The following ANO2 variants were observed in gnomAD, a reference collection of about 807,000 sequenced individuals.
ANO2 encodes the protein anoctamin-2.
ANO2 carries 101 observed loss-of-function variants against 124.2 expected under a neutral mutation model. That is an observed-to-expected ratio of 0.81 (90% confidence interval 0.69 to 0.96). The LOEUF (loss-of-function observed/expected upper bound fraction) is 0.96. ANO2 is among the 40% of genes least tolerant of loss of function. The pLI is 0.00. For missense variants in ANO2, 1,293 were observed against 1,274.5 expected (o/e 1.01, Z -0.22); for synonymous variants, 486 against 482.5 (o/e 1.01, Z -0.09).
intron 3 of ANO2, among the ~76,000 whole-genome samples, chr12:5,919,820 C>T (rs1941592866): frequency 6.6e-6 from 1 of 152,106 alleles, no homozygotes; most frequent in African/African-American, 2.4e-5. Flanking sequence ...GCCTCAGCCT[C>T]CCGAGTAGCT....
At chr12:5,586,366 G>T (rs996751560) in intron 20 of ANO2, among the ~76,000 whole-genome samples, 1 of 152,198 alleles carries the variant, frequency 6.6e-6, no homozygotes, top group Non-Finnish European at 1.5e-5. Context: ...GGAGAAGATG[G>T]CAGGAGCCTC....
chr12:5,663,926 T>C (rs762496069), intron 14 of ANO2, among the ~76,000 whole-genome samples: 6 of 152,202 alleles, frequency 3.9e-5, no homozygotes, highest in Admixed American at 1.3e-4. Context: ...GCTATGACCT[T>C]TGTGGTCCAG....
chr12:5,878,501 G>T (rs1938262749), intron 3 of ANO2, among the ~76,000 whole-genome samples: 1 of 152,202 alleles, frequency 6.6e-6, no homozygotes, highest in South Asian at 2.1e-4. Flanking sequence ...TAAATTCATT[G>T]ATTCACTAAT....
intron 4 of ANO2, among the ~76,000 whole-genome samples, chr12:5,842,591 T>C (rs937910307): frequency 6.6e-6 from 1 of 152,222 alleles, no homozygotes; most frequent in Non-Finnish European, 1.5e-5. Flanking sequence ...CTGGTGTGCA[T>C]GACTCACTCT....
At chr12:5,744,580 G>A (rs1473073866) in intron 11 of ANO2, among the ~76,000 whole-genome samples, 1 of 152,164 alleles carries the variant, frequency 6.6e-6, no homozygotes, top group Non-Finnish European at 1.5e-5. Flanking sequence ...ATCTGTCAGA[G>A]ACATTGAGCA....
At chr12:5,751,427 C>G (rs1951435927) in intron 10 of ANO2, among the ~76,000 whole-genome samples, 1 of 152,122 alleles carries the variant, frequency 6.6e-6, no homozygotes, top group African/African-American at 2.4e-5. Context: ...GGTATGCAAA[C>G]CAACATACAC....
chr12:5,708,273 T>A (rs192105162), intron 14 of ANO2, among the ~76,000 whole-genome samples: 5 of 152,354 alleles, frequency 3.3e-5, no homozygotes, highest in Non-Finnish European at 7.3e-5. Context: ...TATGGTGTTA[T>A]ATCCCCCAAC....
intron 10 of ANO2, among the ~76,000 whole-genome samples, chr12:5,765,466 G>C (rs1951864074): frequency 6.6e-6 from 1 of 152,160 alleles, no homozygotes; most frequent in Non-Finnish European, 1.5e-5. Flanking sequence ...ACTGGATATT[G>C]TCTATGAGAT....
intron 22 of ANO2, among the ~76,000 whole-genome samples, chr12:5,577,028 C>G (rs1006594362): frequency 6.6e-6 from 1 of 152,226 alleles, no homozygotes; most frequent in Non-Finnish European, 1.5e-5. Context: ...TAAGACTGCA[C>G]GTCATTTCGT....
At chr12:5,607,035 C>A in intron 19 of ANO2, among the ~76,000 whole-genome samples, 1 of 151,234 alleles carries the variant, frequency 6.6e-6, no homozygotes, top group Non-Finnish European at 1.5e-5. Flanking sequence ...CACAATCACC[C>A]ATCTAACCCC....
chr12:5,627,343 G>C (rs1945469096), intron 16 of ANO2, among the ~76,000 whole-genome samples: 1 of 152,134 alleles, frequency 6.6e-6, no homozygotes, highest in Admixed American at 6.5e-5. Flanking sequence ...CCAGGATCCT[G>C]GTGCAAAGCA....
At chr12:5,813,344 T>C (rs1953496252) in intron 7 of ANO2, among the ~76,000 whole-genome samples, 1 of 152,184 alleles carries the variant, frequency 6.6e-6, no homozygotes, top group South Asian at 2.1e-4. Flanking sequence ...CAGTGCACCC[T>C]ATCTTTATTT....
intron 3 of ANO2, among the ~76,000 whole-genome samples, chr12:5,854,862 CT>C (rs1279776943): frequency 6.6e-6 from 1 of 151,546 alleles, no homozygotes; most frequent in Non-Finnish European, 1.5e-5. Context: ...TCATCTGGCC[CT>C]TGTCACTATG....
intron 10 of ANO2, among the ~76,000 whole-genome samples, chr12:5,771,639 G>T (rs769892748): frequency 5.9e-5 from 9 of 152,114 alleles, no homozygotes; most frequent in Non-Finnish European, 1.3e-4. Flanking sequence ...AATTAGCTGG[G>T]CATGGTGGTG....
rs988214779 is a variant in ANO2 at position 5,594,436 on chromosome 12, T to G, written c.2233+5048A>C. 2.0e-5 allele frequency among the ~76,000 whole-genome samples: 3 copies of G among 152,204 alleles called. No homozygotes were observed. The East Asian group carries it at 5.8e-4, about 29-fold the overall frequency. On this transcript the variant is annotated intron_variant, in intron 20 of 24. Coordinates refer to ENST00000682330, the MANE Select transcript of ANO2 (RefSeq NM_001364791.2). The stretch of plus-strand genomic sequence containing the variant: ...AAGATTTTACAACTACTTCATATGG[T>G]CTGATGTGAAATGCAAACCTGTCTG...
intron 14 of ANO2, among the ~76,000 whole-genome samples, chr12:5,687,363 C>A (rs74056642): frequency 0.014 from 2,093 of 152,342 alleles, 47 homozygotes; most frequent in African/African-American, 0.046. Flanking sequence ...CCACTGCATA[C>A]AGGACAAAAC....
chr12:5,742,202 C>A (rs1351953386), intron 12 of ANO2, among the ~76,000 whole-genome samples: 6 of 152,162 alleles, frequency 3.9e-5, no homozygotes, highest in Non-Finnish European at 7.4e-5. Context: ...TTATTCCCAG[C>A]AGACCTGGGC....
chr12:5,838,577 C>G (rs544201251), intron 4 of ANO2, among the ~76,000 whole-genome samples: 13 of 152,262 alleles, frequency 8.5e-5, no homozygotes, highest in Admixed American at 7.2e-4. Context: ...TGTGTGTTAC[C>G]TGTTCCTGAG....
At chr12:5,817,707 G>T (rs555504001) in intron 7 of ANO2, among the ~76,000 whole-genome samples, 68 of 152,306 alleles carry the variant, frequency 4.5e-4, no homozygotes, top group African/African-American at 1.6e-3. Flanking sequence ...GAGAGAGAGA[G>T]GAGAGAAGTG....
Sources: allele counts gnomAD v4.1 joint callset (sites outside exome capture counted in the v4.1 genomes callset), GRCh38; gene constraint gnomAD v4.1.1; transcripts MANE v1.5; gene names NCBI Gene and HGNC (gene_info 2026-07-23, HGNC 2026-07-21).